Variants in ASTN2 observed in about 807,000 individuals in gnomAD.
ASTN2 encodes the protein astrotactin 2, also known as astrotactin-2.
Under a neutral mutation model 139.8 loss-of-function variants are expected in ASTN2, and 54 were observed. The observed-to-expected ratio is 0.39, with a 90% CI of 0.31 to 0.48. The LOEUF (loss-of-function observed/expected upper bound fraction) is 0.48. Among genes scored for constraint, ASTN2 ranks in the 20% least tolerant of loss-of-function variants. ASTN2 has a pLI of 0.95. For missense variants in ASTN2, 1,565 were observed against 1,725.1 expected, an observed-to-expected ratio of 0.91 and a Z score of 1.64; for synonymous variants, 756 against 719.5, an observed-to-expected ratio of 1.05 and a Z score of -0.81.
intron 5 of ASTN2, among the ~76,000 whole-genome samples, chr9:117,085,986 T>A (rs1281342594): frequency 6.6e-6 from 1 of 152,218 alleles, no homozygotes; most frequent in Non-Finnish European, 1.5e-5. Context: ...TTTCTTCATC[T>A]GTAAAATGGA....
rs569313502 is a variant in ASTN2 at position 116,974,937 on chromosome 9, C to A, written c.1889+271G>T. On this transcript the variant is annotated intron_variant, in intron 10 of 22. Transcript: ENST00000313400. ...ACATACTGTTAAGTAAAGATAAGAT[C>A]ATTAATGATCCCATGATGAGCTAGA... Among the ~76,000 whole-genome samples the A allele has an allele frequency of 4.6e-5, 7 of 152,272 alleles. No individual in the cohort carries two copies. The South Asian group carries it at 1.2e-3, about 27-fold the overall frequency.
chr9:117,026,886 T>C (rs1838102975), intron 6 of ASTN2, among the ~76,000 whole-genome samples: 1 of 147,642 alleles, frequency 6.8e-6, no homozygotes, highest in East Asian at 2.1e-4. Context: ...TACTGTGACA[T>C]TCCCCATTTC....
rs112293965 is a variant in ASTN2 at position 116,946,862 on chromosome 9, C to A, written c.1889+28346G>T. On this transcript the variant is annotated intron_variant, in intron 10 of 22. Transcript: ENST00000313400. ...TCTTTTAAGGCTTTTCCCCATGCCA[C>A]CCCCAACCTCCATAATGGGAATTGG... Among the ~76,000 whole-genome samples, 769 of 150,684 alleles carry A rather than the reference C, an allele frequency of 5.1e-3. 7 individuals carry two copies. Among genetic ancestry groups the A allele is most frequent in the Non-Finnish European group, 8.3e-3 (565 of 67,878 alleles).
intron 20 of ASTN2, among the ~76,000 whole-genome samples, chr9:116,472,712 T>A (rs1848850722): frequency 6.6e-6 from 1 of 150,608 alleles, no homozygotes; most frequent in Non-Finnish European, 1.5e-5. Context: ...AAGACCAGCC[T>A]GGCCGACATA....
In ASTN2 at chr9:116,686,982, A is replaced by T. The variant is rs561107355; in HGVS notation, c.2807-35189T>A. 26 of 1,449,692 alleles carry T rather than the reference A, an allele frequency of 1.8e-5. No homozygotes were observed. The African/African-American group carries it at 3.1e-4, about 17-fold the overall frequency. The allele number at this position is 1,449,692 out of a possible 1,614,324, so 89.8% of individuals were successfully genotyped here. On this transcript the variant is annotated intron_variant, in intron 16 of 22. Coordinates refer to ENST00000313400, the MANE Select transcript of ASTN2 (RefSeq NM_001365068.1). ...GTAAGGTGCCAACGCTTTGCTGAGGACTACCCTGGAGGCTACCGTTTTGTG... is the reference window on the plus strand; with the variant it reads ...GTAAGGTGCCAACGCTTTGCTGAGGTCTACCCTGGAGGCTACCGTTTTGTG...
At chr9:116,946,337 G>A (rs1305601630) in intron 10 of ASTN2, among the ~76,000 whole-genome samples, 1 of 152,170 alleles carries the variant, frequency 6.6e-6, no homozygotes, top group Non-Finnish European at 1.5e-5. Context: ...GTGAAAAAAT[G>A]CAGAGACATC....
chr9:116,995,112 C>G (rs1289684207), intron 7 of ASTN2, among the ~76,000 whole-genome samples: 1 of 152,184 alleles, frequency 6.6e-6, no homozygotes, highest in Non-Finnish European at 1.5e-5. Context: ...TTGACCACCA[C>G]AAGATGCTTA....
intron 2 of ASTN2, among the ~76,000 whole-genome samples, chr9:117,234,550 A>G (rs1588117163): frequency 6.6e-6 from 1 of 152,298 alleles, no homozygotes; most frequent in East Asian, 1.9e-4. Context: ...GTTAGCTGAC[A>G]TTGTTAGGAT....
At chr9:117,011,052 G>A (rs1368015478) in intron 6 of ASTN2, among the ~76,000 whole-genome samples, 1 of 152,186 alleles carries the variant, frequency 6.6e-6, no homozygotes, top group Non-Finnish European at 1.5e-5. Flanking sequence ...GGAAACCTGA[G>A]TGCAGCATCA....
Position 116,440,480 on chromosome 9 carries a change from C to A in ASTN2, c.3782+129G>T, listed in dbSNP as rs1847808184. On this transcript the variant is annotated intron_variant, in intron 22 of 22. Transcript: ENST00000313400. ...GCCTATTTTCTATCTTTAGCCTTGA[C>A]ACGACCAAGGTGATAATCACCCTTA... The A allele has an allele frequency of 4.7e-6, 4 of 849,022 alleles. No homozygotes were observed. In the South Asian group the frequency reaches 6.0e-5, roughly 13 times the overall value. The allele number at this position is 849,022 out of a possible 1,614,324, so 52.6% of individuals were successfully genotyped here. A position where few individuals can be genotyped will look rare whatever the true frequency, so the allele number is the denominator to read the frequency against.
rs1171202390 is a variant in ASTN2 at position 116,565,385 on chromosome 9, CTCCATATATATA to C, written c.3355+52927_3355+52938del. Among the ~76,000 whole-genome samples, 119 of 30,734 alleles carry C rather than the reference CTCCATATATATA, an allele frequency of 3.9e-3. 1 individual carries two copies. The highest frequency in any genetic ancestry group is 8.5e-3 in the African/African-American group (53 of 6,256). The allele number at this position is 30,734 out of a possible 152,430, so 20.2% of individuals were successfully genotyped here. On this transcript the variant is annotated intron_variant, in intron 19 of 22. Coordinates refer to ENST00000313400, the MANE Select transcript of ASTN2 (RefSeq NM_001365068.1). ...TCTCTCTCTCTCTCTCTCTCTCTCT[CTCCATATATATA>C]TATATATATATATATATATATATAT...
chr9:116,738,209 T>C (rs1004280445), intron 13 of ASTN2, among the ~76,000 whole-genome samples: 1 of 138,358 alleles, frequency 7.2e-6, no homozygotes. Context: ...AAAAAAAGAC[T>C]ACATATTGGG....
intron 3 of ASTN2, among the ~76,000 whole-genome samples, chr9:117,207,787 C>A (rs1027106298): frequency 1.3e-5 from 2 of 152,174 alleles, no homozygotes; most frequent in African/African-American, 4.8e-5. Flanking sequence ...GCATGAACAT[C>A]CCCCTGTTCT....
At chr9:117,209,089 T>C (rs1832033069) in intron 3 of ASTN2, among the ~76,000 whole-genome samples, 1 of 152,108 alleles carries the variant, frequency 6.6e-6, no homozygotes, top group East Asian at 1.9e-4. Flanking sequence ...AATCAAACCT[T>C]ATCACTACAG....
At chr9:116,700,207 C>G (rs759347153) in intron 16 of ASTN2, 1 of 194,412 alleles carries the variant, frequency 5.1e-6, no homozygotes, top group Non-Finnish European at 1.2e-5. Flanking sequence ...ATCATATTCC[C>G]GTAACATTAT....
intron 1 of ASTN2, among the ~76,000 whole-genome samples, chr9:117,318,616 C>A (rs1828222374): frequency 6.6e-6 from 1 of 152,138 alleles, no homozygotes; most frequent in South Asian, 2.1e-4. Flanking sequence ...TTCCTGTTTG[C>A]CCAGCTTGAC....
chr9:117,411,472 A>G (rs2130981913), intron 1 of ASTN2, among the ~76,000 whole-genome samples: 1 of 142,460 alleles, frequency 7.0e-6, no homozygotes, highest in Non-Finnish European at 1.5e-5. Context: ...AAAAAAAAAG[A>G]CTTGCTTCCA....
At chr9:117,185,725 G>C in intron 3 of ASTN2, among the ~76,000 whole-genome samples, 1 of 152,128 alleles carries the variant, frequency 6.6e-6, no homozygotes, top group East Asian at 1.9e-4. Context: ...AATGGAGATG[G>C]GCTAGGCACA....
In ASTN2 at chr9:117,403,298, G is replaced by GA. The variant is rs201465115; in HGVS notation, c.442+11198dup. Among the ~76,000 whole-genome samples, 861 of 152,282 alleles carry GA rather than the reference G, an allele frequency of 5.7e-3. 8 individuals are homozygous for GA. Among genetic ancestry groups the GA allele is most frequent in the African/African-American group, 0.02 (814 of 41,548 alleles). On this transcript the variant is annotated intron_variant, in intron 1 of 22. Coordinates refer to ENST00000313400, the MANE Select transcript of ASTN2 (RefSeq NM_001365068.1). ...AGTTGCTGCTGGCTGTAAAAGTCTT[G>GA]AAAAGAGTAATTCAGATAATCAGAG...
Sources: gnomAD v4.1 joint callset for allele counts (sites outside exome capture counted in the v4.1 genomes callset) on GRCh38, gnomAD v4.1.1 for gene constraint, MANE v1.5 for transcripts, NCBI Gene and HGNC (gene_info 2026-07-23, HGNC 2026-07-21) for gene names.